The following OR4Q3 variants were observed in gnomAD, a reference collection of about 807,000 sequenced individuals.
OR4Q3 encodes olfactory receptor family 4 subfamily Q member 3.
In OR4Q3, 17 loss-of-function variants were observed where a neutral mutation model predicts 18.8. That is an observed-to-expected ratio of 0.91 (90% confidence interval 0.62 to 1.36). The LOEUF is 1.36. Ranked by LOEUF, OR4Q3 falls within the 40% of genes most tolerant of loss-of-function variation. OR4Q3 has a pLI of 0.00. For missense variants in OR4Q3, 378 were observed against 373.4 expected, an observed-to-expected ratio of 1.01 and a Z score of -0.10; for synonymous variants, 158 against 145.8, an observed-to-expected ratio of 1.08 and a Z score of -0.60.
chr14:19,744,591 C>T (rs1252441328), intron 1 of OR4Q3, among the ~76,000 whole-genome samples: 16 of 152,294 alleles, frequency 1.1e-4, no homozygotes, highest in African/African-American at 3.6e-4. Flanking sequence ...TCCATGAAGA[C>T]TTTCATTTTG....
chr14:19,749,452 G>A, exon 2 of OR4Q3: 3 of 152,406 alleles, frequency 2.0e-5, no homozygotes, highest in African/African-American at 4.8e-5. Context: ...TACAAAATTA[G>A]CCGGACGTGG....
chr14:19,747,605 A>G, exon 2 of OR4Q3: 1 of 1,613,904 alleles, frequency 6.2e-7, no homozygotes. Context: ...CCAATCTCCT[A>G]TGTATTATTT....
At chr14:19,749,604 C>CAAAAAAAAAAAAAAAAAAAAA, downstream of OR4Q3, 276 of 34,598 alleles carry the variant, frequency 8.0e-3, 42 homozygotes, top group Middle Eastern at 0.056. Context: ...GGTCTCAAAG[C>CAAAAAAAAAAAAAAAAAAAAA]AAAAAAAAAA....
At chr14:19,748,186 G>A in exon 2 of OR4Q3, 4 of 1,614,070 alleles carry the variant, frequency 2.5e-6, no homozygotes, top group Non-Finnish European at 3.4e-6. Context: ...TGATCTTCGT[G>A]CCATGCGTAT....
At position 19,748,271 on chromosome 14, in the gene OR4Q3, A is replaced by G; in HGVS notation, c.868A>G (p.Met290Val). 32 of 1,609,438 alleles carry G rather than the reference A, an allele frequency of 2.0e-5. No homozygotes were observed. The Admixed American group carries it at 3.9e-4, about 19-fold the overall frequency. ...CTTGTTTTACACAGTGATTACACCT[A>G]TGTTGAACCCCCTCATCTACACACT... The change falls in exon 2 of 2, where the codon ATG (methionine) becomes GTG (valine). Residue 290 changes from methionine (M) to valine (V), a missense_variant. Met to Val is a conservative substitution (Grantham distance 21). Transcript: ENST00000642117.
At position 19,748,096 on chromosome 14, in the gene OR4Q3, GA is replaced by G; in HGVS notation, c.694del (p.Ile232SerfsTer3). The G allele has an allele frequency of 6.2e-7, 1 of 1,614,010 alleles. No homozygotes were observed. Among genetic ancestry groups the G allele is most frequent in the Non-Finnish European group, 8.5e-7 (1 of 1,179,962 alleles). On this transcript the variant is annotated frameshift_variant, in exon 2 of 2. Transcript: ENST00000642117. LOFTEE classifies it high-confidence loss of function. ...TACTATTCTCTTATGCTATCATCCT[GA>G]TCACCCTGAGAACACACTTCTGCCA...
At chr14:19,748,333 G>A in exon 2 of OR4Q3, 3 of 1,612,338 alleles carry the variant, frequency 1.9e-6, no homozygotes, top group Non-Finnish European at 2.5e-6. Context: ...TGAAGAAGCT[G>A]AGGATAAAAC....
Position 19,746,302 on chromosome 14 carries a change from C to G in OR4Q3, c.3-1104C>G. Among the ~76,000 whole-genome samples, 8 of 152,226 alleles carry G rather than the reference C, an allele frequency of 5.3e-5. No homozygotes were observed. The South Asian group carries it at 1.7e-3, about 32-fold the overall frequency. On this transcript the variant is annotated intron_variant, in intron 1 of 1. Coordinates refer to ENST00000642117, the Ensembl canonical transcript of OR4Q3. Reference sequence around the variant, plus strand: ...AACTACTTCAATGGAAGAAATGTATCAATGTTCTCTGATTTTCTGTTTGTA... The same window carrying G: ...AACTACTTCAATGGAAGAAATGTATGAATGTTCTCTGATTTTCTGTTTGTA...
At chr14:19,750,340 A>G, downstream of OR4Q3, among the ~76,000 whole-genome samples, 1 of 152,346 alleles carries the variant, frequency 6.6e-6, no homozygotes, top group Admixed American at 6.5e-5. Flanking sequence ...GAAAATCCCT[A>G]AAAAGGTTAA....
chr14:19,749,866 CTTTCTTTCT>C, downstream of OR4Q3, among the ~76,000 whole-genome samples: 1 of 49,060 alleles, frequency 2.0e-5, no homozygotes, highest in African/African-American at 6.1e-5. Context: ...TTCTTTCTTT[CTTTCTTTCT>C]TTCTTTCTTT....
downstream of OR4Q3, among the ~76,000 whole-genome samples, chr14:19,750,272 A>G: frequency 6.6e-6 from 1 of 152,204 alleles, no homozygotes; most frequent in Non-Finnish European, 1.5e-5. Flanking sequence ...GGCATGAGCC[A>G]CGACACCCGG....
In OR4Q3 at chr14:19,747,402, T is replaced by TTCTG; in HGVS notation, c.3-3_3-2insCTGT. On this transcript the variant is annotated splice_polypyrimidine_tract_variant and splice_region_variant and intron_variant, in intron 1 of 1. Coordinates refer to ENST00000642117, the Ensembl canonical transcript of OR4Q3. ...TCCCTTGTTCTGATTTAATTCTTCT[T>TTCTG]TAGGTCACTTGATATTCTTGGCTTG... 1.4e-6 allele frequency: 2 copies of TTCTG among 1,451,344 alleles called. No individual in the cohort carries two copies. The highest frequency in any genetic ancestry group is 1.9e-6 in the Non-Finnish European group (2 of 1,054,912). The allele number at this position is 1,451,344 out of a possible 1,614,324, so 89.9% of individuals were successfully genotyped here.
At chr14:19,749,894 CTTTCTTTCTTTCTTTT>C, downstream of OR4Q3, among the ~76,000 whole-genome samples, 2 of 26,534 alleles carry the variant, frequency 7.5e-5, no homozygotes, top group Non-Finnish European at 1.6e-4. Flanking sequence ...TTCTTTCTTT[CTTTCTTTCTTTCTTTT>C]TTCTTTCTTT....
At chr14:19,748,350 G>A in exon 2 of OR4Q3, 2 of 1,607,580 alleles carry the variant, frequency 1.2e-6, no homozygotes, top group South Asian at 1.1e-5. Context: ...AAACCATGTG[G>A]CATTCCATTG....
chr14:19,745,555 T>A, intron 1 of OR4Q3, among the ~76,000 whole-genome samples: 2 of 152,302 alleles, frequency 1.3e-5, no homozygotes, highest in African/African-American at 4.8e-5. Context: ...AGAAACCTTT[T>A]TTAATTAAAA....
At chr14:19,749,800 CTCTT>C, downstream of OR4Q3, among the ~76,000 whole-genome samples, 14 of 77,108 alleles carry the variant, frequency 1.8e-4, no homozygotes, top group African/African-American at 5.1e-4. Flanking sequence ...TTCTTTCTCT[CTCTT>C]TCTCTCTATT....
intron 1 of OR4Q3, among the ~76,000 whole-genome samples, chr14:19,745,769 A>C: frequency 6.6e-6 from 1 of 152,224 alleles, no homozygotes; most frequent in East Asian, 1.9e-4. Context: ...AATATAGCAG[A>C]GCTCAAGTGA....
intron 1 of OR4Q3, among the ~76,000 whole-genome samples, chr14:19,747,007 T>C: frequency 1.1e-4 from 16 of 152,334 alleles, no homozygotes; most frequent in Admixed American, 9.2e-4. Flanking sequence ...AGGAATAAAA[T>C]TCAGAGAGGT....
chr14:19,743,797 A>G (rs1238029791), intron 1 of OR4Q3, 126 bp downstream of exon 1: 1 of 151,660 alleles, frequency 6.6e-6, no homozygotes, highest in Non-Finnish European at 1.5e-5. Flanking sequence ...GATCATTTTT[A>G]AATTTAAGAG....
Sources: allele counts gnomAD v4.1 joint callset (sites outside exome capture counted in the v4.1 genomes callset), GRCh38; gene constraint gnomAD v4.1.1; transcripts MANE v1.5; gene names NCBI Gene and HGNC (gene_info 2026-07-23, HGNC 2026-07-21).